Variants in TEX26 observed in about 807,000 individuals in gnomAD.
The protein encoded by TEX26 is testis-expressed protein 26.
A neutral mutation model predicts 35.3 loss-of-function variants in TEX26; 34 were observed. The observed-to-expected ratio is 0.96, with a 90% CI of 0.73 to 1.28. The LOEUF (loss-of-function observed/expected upper bound fraction) is 1.28, where lower values mean the gene tolerates loss of function less well. Among genes scored for constraint, TEX26 ranks in the 50% most tolerant of loss-of-function variants. The pLI, the probability that TEX26 is intolerant of heterozygous loss-of-function variation, is 0.00. For missense variants in TEX26, 371 were observed against 330.1 expected, an observed-to-expected ratio of 1.12 and a Z score of -0.96; for synonymous variants, 136 against 111.8, an observed-to-expected ratio of 1.22 and a Z score of -1.36.
intron 4 of TEX26, among the ~76,000 whole-genome samples, chr13:30,959,684 G>C (rs562775703): frequency 6.6e-6 from 1 of 151,896 alleles, no homozygotes; most frequent in South Asian, 2.1e-4. Flanking sequence ...TCCATACTTT[G>C]TTGTACACTT....
At chr13:30,957,058 T>C (rs6560988) in intron 4 of TEX26, 29 bp downstream of exon 4, 1,607,187 of 1,608,144 alleles carry the variant, frequency 1, 803,119 homozygotes, top group Middle Eastern at 1. Context: ...CTTTTTTTCC[T>C]GGGTCATGTG....
At chr13:30,952,105 C>G (rs559088853) in intron 2 of TEX26, among the ~76,000 whole-genome samples, 1 of 131,078 alleles carries the variant, frequency 7.6e-6, no homozygotes, top group African/African-American at 2.9e-5. Context: ...ATCCAACATT[C>G]TGAAGACTTC....
intron 4 of TEX26, among the ~76,000 whole-genome samples, chr13:30,958,160 C>T (rs1173293902): frequency 1.3e-5 from 2 of 152,178 alleles, no homozygotes; most frequent in African/African-American, 4.8e-5. Flanking sequence ...ACACCTTTGA[C>T]TGTTTTTTTG....
At position 30,969,035 on chromosome 13, in the gene TEX26, T is replaced by C. The variant is rs1402615999; in HGVS notation, c.797T>C (p.Leu266Pro). The change falls in exon 6 of 7, where the codon CTT (leucine) becomes CCT (proline). Residue 266 changes from leucine (L) to proline (P), a missense_variant. Coordinates refer to ENST00000380473, the MANE Select transcript of TEX26 (RefSeq NM_152325.3). The part of the protein sequence containing the change: ...SSQVKEYLQS[L>P]SYKDRQIIDR... ...CAAGTCAAAGAGTACCTTCAGAGTCTTTCCTACAAAGGTAAGATGAGGTCT... is the reference window on the plus strand; with the variant it reads ...CAAGTCAAAGAGTACCTTCAGAGTCCTTCCTACAAAGGTAAGATGAGGTCT... The C allele has an allele frequency of 1.2e-6, 2 of 1,613,210 alleles. No individual in the cohort carries two copies. The highest frequency in any genetic ancestry group is 1.1e-5 in the South Asian group (1 of 90,848).
At chr13:30,935,285 C>T (rs1010938693) in intron 1 of TEX26, among the ~76,000 whole-genome samples, 1 of 152,220 alleles carries the variant, frequency 6.6e-6, no homozygotes, top group African/African-American at 2.4e-5. Context: ...GCTGGGGTCC[C>T]CAGTAAGGCC....
chr13:30,958,595 G>T (rs1404984999), intron 4 of TEX26, among the ~76,000 whole-genome samples: 2 of 152,148 alleles, frequency 1.3e-5, no homozygotes, highest in Admixed American at 1.3e-4. Context: ...CAAGGTCTGG[G>T]TGTCTCCATC....
At chr13:30,955,669 G>A (rs529758410) in intron 3 of TEX26, among the ~76,000 whole-genome samples, 4 of 152,316 alleles carry the variant, frequency 2.6e-5, no homozygotes, top group East Asian at 1.9e-4. Context: ...AGAAATAAAC[G>A]CATTCTTTGA....
At position 30,932,682 on chromosome 13, in the gene TEX26, G is replaced by A; in HGVS notation, c.-34G>A. 1 of 1,606,030 alleles carries A rather than the reference G, an allele frequency of 6.2e-7. No individual in the cohort carries two copies. The highest frequency in any genetic ancestry group is 8.5e-7 in the Non-Finnish European group (1 of 1,177,006). On this transcript the variant is annotated 5_prime_UTR_variant, in exon 1 of 7. Coordinates refer to ENST00000380473, the MANE Select transcript of TEX26 (RefSeq NM_152325.3). Reference sequence around the variant, plus strand: ...GCTCCCGCAAGCGCTGAGATAGCTGGAGCCAGGGCCCCGCGGCCGCCTCCT... The same window carrying A: ...GCTCCCGCAAGCGCTGAGATAGCTGAAGCCAGGGCCCCGCGGCCGCCTCCT...
chr13:30,938,320 TTC>T (rs1953348754), intron 1 of TEX26, among the ~76,000 whole-genome samples: 2 of 152,218 alleles, frequency 1.3e-5, no homozygotes, highest in African/African-American at 4.8e-5. Flanking sequence ...TTAGTCCATT[TTC>T]TGTTGTTGTT....
intron 4 of TEX26, among the ~76,000 whole-genome samples, chr13:30,965,017 G>A (rs574503246): frequency 6.6e-6 from 1 of 152,266 alleles, no homozygotes; most frequent in South Asian, 2.1e-4. Context: ...GAAGTTACAG[G>A]AACAGTACCA....
At chr13:30,972,687 C>T (rs112035810) in intron 6 of TEX26, among the ~76,000 whole-genome samples, 6,864 of 152,228 alleles carry the variant, frequency 0.045, 515 homozygotes, top group African/African-American at 0.16. Flanking sequence ...CAGGCTGGAG[C>T]GCAGTGGCGT....
At chr13:30,966,432 C>CTT (rs10523710) in intron 5 of TEX26, 34 bp downstream of exon 5, 28,764 of 980,056 alleles carry the variant, frequency 0.029, 136 homozygotes, top group African/African-American at 0.059. Context: ...TTCTTTTTCT[C>CTT]TTTTTTTTTT....
intron 2 of TEX26, among the ~76,000 whole-genome samples, chr13:30,951,056 T>C (rs1448250417): frequency 1.3e-5 from 2 of 152,170 alleles, no homozygotes; most frequent in African/African-American, 2.4e-5. Context: ...AGTGTGGTGG[T>C]CCACGGCTGT....
intron 2 of TEX26, among the ~76,000 whole-genome samples, chr13:30,942,745 T>C (rs996625700): frequency 6.6e-6 from 1 of 152,156 alleles, no homozygotes; most frequent in African/African-American, 2.4e-5. Flanking sequence ...ATGGTGTCCT[T>C]TCCCAAATTT....
chr13:30,948,375 A>G (rs1186853228), intron 2 of TEX26, among the ~76,000 whole-genome samples: 2 of 152,106 alleles, frequency 1.3e-5, no homozygotes, highest in East Asian at 1.9e-4. Context: ...AATTGTTCCT[A>G]TTTGTCCACA....
intron 2 of TEX26, among the ~76,000 whole-genome samples, chr13:30,944,009 G>C (rs1180907565): frequency 1.3e-5 from 2 of 151,952 alleles, no homozygotes; most frequent in African/African-American, 4.8e-5. Flanking sequence ...TCAATCTTTT[G>C]GAATAGTTTC....
At chr13:30,959,809 C>T (rs528085382) in intron 4 of TEX26, among the ~76,000 whole-genome samples, 1 of 152,076 alleles carries the variant, frequency 6.6e-6, no homozygotes, top group Non-Finnish European at 1.5e-5. Context: ...TGAAAGGGCC[C>T]CTGAATGCCT....
At chr13:30,932,938 C>A (rs141893790) in intron 1 of TEX26, 162 bp downstream of exon 1, 3 of 696,842 alleles carry the variant, frequency 4.3e-6, no homozygotes, top group Non-Finnish European at 7.0e-6. Flanking sequence ...AATGACAGGG[C>A]CTTCATGACG....
intron 2 of TEX26, among the ~76,000 whole-genome samples, chr13:30,950,714 C>T (rs1256674836): frequency 2.6e-5 from 4 of 152,212 alleles, no homozygotes; most frequent in African/African-American, 9.7e-5. Context: ...CACAACCCTT[C>T]ACTCTATAGA....
Sources: gnomAD v4.1 joint callset for allele counts (sites outside exome capture counted in the v4.1 genomes callset) on GRCh38, gnomAD v4.1.1 for gene constraint, MANE v1.5 for transcripts, NCBI Gene and HGNC (gene_info 2026-07-23, HGNC 2026-07-21) for gene names.